Variants in GALNT17 observed in about 807,000 individuals in gnomAD.
The protein encoded by GALNT17 is UDP-GalNAc:polypeptide N-acetylgalactosaminyltransferase-like 3.
Under a neutral mutation model 63.7 loss-of-function variants are expected in GALNT17, and 29 were observed. The observed-to-expected ratio is 0.46, with a 90% CI of 0.34 to 0.62. GALNT17 has a LOEUF of 0.62. Ranked by LOEUF, GALNT17 falls within the 20% of genes least tolerant of loss-of-function variation. The pLI is 0.01. For missense variants in GALNT17, 603 were observed against 799.6 expected (o/e 0.75, Z 2.97); for synonymous variants, 305 against 318.3 (o/e 0.96, Z 0.45).
chr7:71,517,586 C>T (rs1788464980), intron 5 of GALNT17, among the ~76,000 whole-genome samples: 1 of 152,156 alleles, frequency 6.6e-6, no homozygotes, highest in Admixed American at 6.6e-5. Flanking sequence ...AATTTGCAAT[C>T]ATATGGTGGT....
rs1313378306 is a variant in GALNT17 at position 71,170,933 on chromosome 7, C to T, written c.238+37893C>T. Among the ~76,000 whole-genome samples, 10 of 151,472 alleles carry T rather than the reference C, an allele frequency of 6.6e-5. 1 individual carries two copies. In the South Asian group the frequency reaches 1.9e-3, roughly 28 times the overall value. ...TTAGTTCTTTTTTTTCCCTGTTTTT[C>T]ATCTTTATTGCTAGGTAGGTCAGAG... is the stretch of plus-strand genomic sequence containing the variant. On this transcript the variant is annotated intron_variant, in intron 1 of 10. Transcript: ENST00000333538.
At chr7:71,615,758 G>A (rs1013781521) in intron 6 of GALNT17, among the ~76,000 whole-genome samples, 8 of 152,056 alleles carry the variant, frequency 5.3e-5, no homozygotes, top group African/African-American at 1.4e-4. Context: ...GATTACAGGC[G>A]TGAGCCACCG....
intron 9 of GALNT17, among the ~76,000 whole-genome samples, chr7:71,700,685 A>G (rs1038230367): frequency 6.6e-6 from 1 of 152,084 alleles, no homozygotes; most frequent in African/African-American, 2.4e-5. Flanking sequence ...TTTTTCTCTT[A>G]CTTGCCTAGT....
At chr7:71,145,704 A>T (rs1196631148) in intron 1 of GALNT17, among the ~76,000 whole-genome samples, 1 of 151,674 alleles carries the variant, frequency 6.6e-6, no homozygotes, top group Non-Finnish European at 1.5e-5. Context: ...GGGTTTCTTA[A>T]TTTTTTTATT....
chr7:71,598,385 T>G (rs2116930232), intron 6 of GALNT17, among the ~76,000 whole-genome samples: 1 of 152,364 alleles, frequency 6.6e-6, no homozygotes, highest in Admixed American at 6.5e-5. Context: ...ATTAACATGC[T>G]GCAGTTGACA....
intron 1 of GALNT17, among the ~76,000 whole-genome samples, chr7:71,299,324 G>A (rs1419277775): frequency 6.6e-6 from 1 of 152,164 alleles, no homozygotes; most frequent in African/African-American, 2.4e-5. Context: ...GCAGACGAGA[G>A]GATGGGAACT....
intron 3 of GALNT17, 85 bp downstream of exon 3, chr7:71,388,486 G>A (rs753203428): frequency 1.7e-5 from 26 of 1,493,058 alleles, no homozygotes; most frequent in Non-Finnish European, 2.3e-5. Flanking sequence ...CCGAGCATCT[G>A]TGTCTCCTGG....
intron 1 of GALNT17, among the ~76,000 whole-genome samples, chr7:71,290,087 C>G (rs1467097339): frequency 6.6e-6 from 1 of 152,108 alleles, no homozygotes; most frequent in African/African-American, 2.4e-5. Flanking sequence ...TCATTTTAAC[C>G]ATTTTGAAGT....
rs900504877 is a variant in GALNT17 at position 71,227,951 on chromosome 7, G to C, written c.238+94911G>C. On this transcript the variant is annotated intron_variant, in intron 1 of 10. Transcript: ENST00000333538. ...ATGTCGGTTTCTCTGCTTCTGTGCT[G>C]GTGGCTCATCAGATGCCTTCTTCCC... Among the ~76,000 whole-genome samples, 6 of 152,100 alleles carry C rather than the reference G, an allele frequency of 3.9e-5. No homozygotes were observed. The East Asian group carries it at 7.7e-4, about 20-fold the overall frequency.
chr7:71,587,882 G>A (rs1789742531), intron 6 of GALNT17, among the ~76,000 whole-genome samples: 1 of 152,154 alleles, frequency 6.6e-6, no homozygotes. Flanking sequence ...AATCCTAAAA[G>A]TCAAAATTAA....
chr7:71,373,981 T>A (rs1355089813), intron 2 of GALNT17, among the ~76,000 whole-genome samples: 2 of 152,360 alleles, frequency 1.3e-5, no homozygotes, highest in Middle Eastern at 6.8e-3. Context: ...TTACCTATTC[T>A]TTCAGGTGCA....
At chr7:71,574,246 T>G (rs562570101) in intron 6 of GALNT17, among the ~76,000 whole-genome samples, 1 of 152,272 alleles carries the variant, frequency 6.6e-6, no homozygotes, top group African/African-American at 2.4e-5. Flanking sequence ...GGAAGGCAGT[T>G]TGGGGATTCC....
intron 5 of GALNT17, among the ~76,000 whole-genome samples, chr7:71,554,254 T>C (rs1459311075): frequency 6.6e-6 from 1 of 152,226 alleles, no homozygotes; most frequent in Non-Finnish European, 1.5e-5. Context: ...GGACGGGTTT[T>C]TCCCATGCTG....
intron 2 of GALNT17, among the ~76,000 whole-genome samples, chr7:71,375,852 C>A (rs1226084079): frequency 1.3e-5 from 2 of 152,154 alleles, no homozygotes; most frequent in Non-Finnish European, 2.9e-5. Context: ...AGTAGGAGGG[C>A]AGAACACTTG....
intron 2 of GALNT17, among the ~76,000 whole-genome samples, chr7:71,345,796 G>A (rs1792080251): frequency 6.6e-6 from 1 of 152,122 alleles, no homozygotes; most frequent in South Asian, 2.1e-4. Context: ...AGTAGCTGCA[G>A]TGGAGCTTTT....
At chr7:71,172,475 A>AT (rs1405816521) in intron 1 of GALNT17, among the ~76,000 whole-genome samples, 1 of 151,862 alleles carries the variant, frequency 6.6e-6, no homozygotes, top group African/African-American at 2.4e-5. Flanking sequence ...AAGAAAAAAA[A>AT]AAAAGAACTA....
chr7:71,297,262 G>A (rs769789600), intron 1 of GALNT17, among the ~76,000 whole-genome samples: 2 of 152,202 alleles, frequency 1.3e-5, no homozygotes, highest in South Asian at 2.1e-4. Context: ...GACGCCTGGG[G>A]CCGGGCACAG....
At chr7:71,441,410 C>G (rs933500813) in intron 5 of GALNT17, among the ~76,000 whole-genome samples, 3 of 152,162 alleles carry the variant, frequency 2.0e-5, no homozygotes, top group Non-Finnish European at 4.4e-5. Context: ...GGTTAACCAC[C>G]CGGACACCAT....
At chr7:71,261,260 C>G (rs915739363) in intron 1 of GALNT17, among the ~76,000 whole-genome samples, 1 of 152,084 alleles carries the variant, frequency 6.6e-6, no homozygotes, top group African/African-American at 2.4e-5. Context: ...CCCCTGTTCC[C>G]TTTCGGAGCT....
Sources: gnomAD v4.1 joint callset for allele counts (sites outside exome capture counted in the v4.1 genomes callset) on GRCh38, gnomAD v4.1.1 for gene constraint, MANE v1.5 for transcripts, NCBI Gene and HGNC (gene_info 2026-07-23, HGNC 2026-07-21) for gene names.